Variants in UPF2 observed in about 807,000 individuals in gnomAD.
UPF2 encodes the protein UPF2 regulator of nonsense mediated mRNA decay, also known as regulator of nonsense transcripts 2.
UPF2 carries 17 observed loss-of-function variants against 141.4 expected under a neutral mutation model. The ratio of observed to expected loss-of-function variants is 0.12; its 90% CI spans 0.08 to 0.18. The LOEUF is 0.18. UPF2 is among the 10% of genes least tolerant of loss of function. UPF2 has a pLI of 1.00. For synonymous variants in UPF2, 540 were observed against 498.0 expected, an observed-to-expected ratio of 1.08 and a Z score of -1.12; for missense variants, 1,152 against 1,515.9, an observed-to-expected ratio of 0.76 and a Z score of 3.99.
At chr10:12,027,392 A>G (rs138105417) in intron 3 of UPF2, among the ~76,000 whole-genome samples, 2 of 152,340 alleles carry the variant, frequency 1.3e-5, no homozygotes, top group East Asian at 3.9e-4. Context: ...TTAGCATACT[A>G]TTAGCATACT....
At position 11,920,794 on chromosome 10, in the gene UPF2, TAGA is replaced by T. The variant is rs1767847399; in HGVS notation, c.*501_*503del. The T allele has an allele frequency of 3.4e-6, 1 of 293,582 alleles. No homozygotes were observed. The highest frequency in any genetic ancestry group is 3.3e-5 in the South Asian group (1 of 30,720). The allele number at this position is 293,582 out of a possible 1,614,324, so 18.2% of individuals were successfully genotyped here. A position where few individuals can be genotyped will look rare whatever the true frequency, so the allele number is the denominator to read the frequency against. On this transcript the variant is annotated 3_prime_UTR_variant, in exon 22 of 22. Coordinates refer to ENST00000357604, the MANE Select transcript of UPF2 (RefSeq NM_015542.4). ...TTGTTGTCCTGCATGTAAGTTTTAC[TAGA>T]AGATTTTCCTGCTTGCTCTATACTT...
At chr10:11,967,304 T>A in intron 10 of UPF2, 37 bp downstream of exon 10, 1 of 1,238,736 alleles carries the variant, frequency 8.1e-7, no homozygotes, top group Non-Finnish European at 1.1e-6. Flanking sequence ...AACTTTAAAC[T>A]TTTCAATTAA....
chr10:11,949,293 C>G (rs1025194883), intron 15 of UPF2, among the ~76,000 whole-genome samples: 2 of 152,234 alleles, frequency 1.3e-5, no homozygotes, highest in African/African-American at 4.8e-5. Flanking sequence ...TCTCCTGTCA[C>G]AGAACACACT....
rs1173066725 is a variant in UPF2 at position 11,938,842 on chromosome 10, GTTTTTTTTTTGTTTTTTTTTT to G, written c.3379-2151_3379-2131del. 9.8e-3 allele frequency among the ~76,000 whole-genome samples: 451 copies of G among 45,860 alleles called. 6 individuals carry two copies. Among genetic ancestry groups the G allele is most frequent in the African/African-American group, 0.03 (427 of 14,228 alleles). 30.1% of individuals were successfully genotyped at this position (45,860 alleles called of 152,430 possible). ...GTCCTAGCCATGTGGTCTTAAGCAAGTTTTTTTTTTGTTTTTTTTTTTTTTTTTTTTTTTTTTTTTGGAGAC... is the reference window on the plus strand; with the variant it reads ...GTCCTAGCCATGTGGTCTTAAGCAAGTTTTTTTTTTTTTTTTTTTGGAGAC... On this transcript the variant is annotated intron_variant, in intron 18 of 21. Transcript: ENST00000357604.
chr10:11,977,705 A>G (rs540356442), intron 9 of UPF2, among the ~76,000 whole-genome samples: 4 of 152,334 alleles, frequency 2.6e-5, no homozygotes, highest in South Asian at 2.1e-4. Context: ...GGCTTCTGCT[A>G]TATCTGTCTC....
chr10:12,037,676 G>A (rs1390085547), intron 1 of UPF2, among the ~76,000 whole-genome samples: 1 of 151,788 alleles, frequency 6.6e-6, no homozygotes, highest in Non-Finnish European at 1.5e-5. Context: ...ACAAGCATGA[G>A]CCACAGTGCC....
At chr10:12,018,316 C>T (rs989511536) in intron 3 of UPF2, among the ~76,000 whole-genome samples, 3 of 152,114 alleles carry the variant, frequency 2.0e-5, no homozygotes, top group African/African-American at 7.2e-5. Flanking sequence ...GGTGCTATGG[C>T]TCACACCTGT....
At position 12,004,577 on chromosome 10, in the gene UPF2, T is replaced by C. The variant is rs776549037; in HGVS notation, c.1457A>G (p.Asn486Ser). The C allele has an allele frequency of 5.0e-6, 8 of 1,613,814 alleles. No homozygotes were observed. In the South Asian group the frequency reaches 5.5e-5, roughly 11 times the overall value. ...CTCTTTATTCTGACAACTTTTTTCA[T>C]TGTCTTTAAACAAGATGGCTGGGAC... is the stretch of plus-strand genomic sequence containing the variant. Reference protein sequence around the residue: ...AFVPAILFKDNEKSCQNKESN... With the variant: ...AFVPAILFKDSEKSCQNKESN... The change falls in exon 5 of 22, where the codon AAT (asparagine) becomes AGT (serine). Residue 486 changes from asparagine to serine, a missense_variant. Transcript: ENST00000357604.
In UPF2 at chr10:12,029,527, A is replaced by G. The variant is rs1220351585; in HGVS notation, c.366-3T>C. ...GCTGAATGGATTCTTCTTTTTCTCT[A>G]TATAAAAACAAACAAATAAATAAAA... On this transcript the variant is annotated splice_polypyrimidine_tract_variant and splice_region_variant and intron_variant, in intron 2 of 21. Transcript: ENST00000357604. 32 of 1,567,098 alleles carry G rather than the reference A, an allele frequency of 2.0e-5. No individual in the cohort carries two copies. Among genetic ancestry groups the G allele is most frequent in the Non-Finnish European group, 2.7e-5 (31 of 1,164,088 alleles).
chr10:12,013,954 C>G (rs1834174853), intron 4 of UPF2, 70 bp downstream of exon 4: 1 of 1,347,180 alleles, frequency 7.4e-7, no homozygotes, highest in South Asian at 2.2e-5. Context: ...TACTGCACAT[C>G]TGATAAGCCT....
intron 9 of UPF2, among the ~76,000 whole-genome samples, chr10:11,973,925 G>A (rs945362933): frequency 6.6e-6 from 1 of 152,208 alleles, no homozygotes; most frequent in Admixed American, 6.5e-5. Flanking sequence ...TGTGAAGAAA[G>A]TCTTTGGTAG....
intron 19 of UPF2, among the ~76,000 whole-genome samples, chr10:11,934,694 A>G (rs1832824661): frequency 1.3e-5 from 2 of 152,156 alleles, no homozygotes; most frequent in Admixed American, 6.5e-5. Flanking sequence ...GGTTCAAGTG[A>G]TTCTCCTGCC....
intron 8 of UPF2, among the ~76,000 whole-genome samples, chr10:11,993,722 C>T (rs1833820151): frequency 6.6e-6 from 1 of 152,144 alleles, no homozygotes; most frequent in Non-Finnish European, 1.5e-5. Flanking sequence ...CCTGTAATCC[C>T]TGCACTTTCG....
Position 12,028,824 on chromosome 10 carries a change from A to G in UPF2, c.1066T>C (p.Leu356=), listed in dbSNP as rs1834465223. The G allele has an allele frequency of 1.2e-6, 2 of 1,614,148 alleles. No homozygotes were observed. The highest frequency in any genetic ancestry group is 2.2e-5 in the South Asian group (2 of 91,086). Residue 356 remains leucine, a synonymous_variant, in exon 3 of 22, where the codon TTA becomes CTA. Coordinates refer to ENST00000357604, the MANE Select transcript of UPF2 (RefSeq NM_015542.4). Reference sequence around the variant, plus strand: ...GTCAAAGACGTAAAGTACTCTTTTAAAAGATTCTGGAAGGGCTGTTGTTTC... The same window carrying G: ...GTCAAAGACGTAAAGTACTCTTTTAGAAGATTCTGGAAGGGCTGTTGTTTC... ...PEKQQPFQNL[L]KEYFTSLTKH...
At chr10:11,991,847 T>C (rs1833785845) in intron 8 of UPF2, among the ~76,000 whole-genome samples, 1 of 152,134 alleles carries the variant, frequency 6.6e-6, no homozygotes, top group African/African-American at 2.4e-5. Context: ...GAGAAAACTA[T>C]TAGAAAATGA....
chr10:12,034,567 A>T (rs1834588192), intron 2 of UPF2, among the ~76,000 whole-genome samples: 1 of 149,052 alleles, frequency 6.7e-6, no homozygotes, highest in Non-Finnish European at 1.5e-5. Flanking sequence ...CACTTTGGGG[A>T]GGCTGAGGCG....
chr10:11,960,359 C>A (rs1833219875), intron 11 of UPF2, among the ~76,000 whole-genome samples: 1 of 151,902 alleles, frequency 6.6e-6, no homozygotes, highest in Non-Finnish European at 1.5e-5. Flanking sequence ...CTAGCCTGGG[C>A]AACAAAGTGA....
Position 12,001,812 on chromosome 10 carries a change from A to C in UPF2, c.1518T>G (p.Ser506=), listed in dbSNP as rs769125258. The stretch of plus-strand genomic sequence containing the variant: ...GACTTGATACCTCCTTATTCTCCTT[A>C]GATTCTTTTGCCTCTGTTGAAAAAC... ...NKDDTKEAKE[S]KENKEVSSPD... is the part of the protein sequence containing the mutation. The change falls in exon 6 of 22, where the codon TCT becomes TCG. Residue 506 remains serine, a synonymous_variant. Coordinates refer to ENST00000357604, the MANE Select transcript of UPF2 (RefSeq NM_015542.4). 6.3e-7 allele frequency: 1 copy of C among 1,595,520 alleles called. No homozygotes were observed. The highest frequency in any genetic ancestry group is 1.8e-5 in the Admixed American group (1 of 55,628).
intron 2 of UPF2, among the ~76,000 whole-genome samples, chr10:12,030,640 T>C (rs976473812): frequency 2.0e-5 from 3 of 151,862 alleles, no homozygotes; most frequent in African/African-American, 7.3e-5. Context: ...TCCCAGCACT[T>C]TGGGAGGCCG....
Sources: gnomAD v4.1 joint callset for allele counts (sites outside exome capture counted in the v4.1 genomes callset) on GRCh38, gnomAD v4.1.1 for gene constraint, MANE v1.5 for transcripts, NCBI Gene and HGNC (gene_info 2026-07-23, HGNC 2026-07-21) for gene names.